KCNK12: variants seen among roughly 807,000 people sequenced by gnomAD.
The protein encoded by KCNK12 is potassium two pore domain channel subfamily K member 12.
A neutral mutation model predicts 25.3 loss-of-function variants in KCNK12; 6 were observed. The ratio of observed to expected loss-of-function variants is 0.24; its 90% confidence interval spans 0.13 to 0.47. The LOEUF (loss-of-function observed/expected upper bound fraction) is 0.47, where lower values mean the gene tolerates loss of function less well. Ranked by LOEUF, KCNK12 falls within the 20% of genes least tolerant of loss-of-function variation. KCNK12 has a pLI of 0.99. For missense variants in KCNK12, 444 were observed against 661.7 expected (o/e 0.67, Z 3.61); for synonymous variants, 331 against 311.1 (o/e 1.06, Z -0.67).
intron 1 of KCNK12, among the ~76,000 whole-genome samples, chr2:47,567,520 T>G (rs1669807853): frequency 6.6e-6 from 1 of 152,246 alleles, no homozygotes; most frequent in Non-Finnish European, 1.5e-5. Flanking sequence ...GAAATGCCAA[T>G]TATGCTACTT....
chr2:47,537,497 ATTT>A (rs1283064984), intron 1 of KCNK12, among the ~76,000 whole-genome samples: 1 of 151,762 alleles, frequency 6.6e-6, no homozygotes, highest in Non-Finnish European at 1.5e-5. Context: ...CGCCCAGCTA[ATTT>A]TTATATTTTT....
Position 47,546,802 on chromosome 2 carries a change from G to A in KCNK12, c.391+23139C>T, listed in dbSNP as rs545923153. 5.9e-5 allele frequency among the ~76,000 whole-genome samples: 9 copies of A among 152,302 alleles called. No individual in the cohort carries two copies. The East Asian group carries it at 1.5e-3, about 26-fold the overall frequency. ...CAATAACACAGGGAATGGGCAGAGGGTTTACAGTGGAAGGGCCCGAGAAGT... is the reference window on the plus strand; with the variant it reads ...CAATAACACAGGGAATGGGCAGAGGATTTACAGTGGAAGGGCCCGAGAAGT... On this transcript the variant is annotated intron_variant, in intron 1 of 1. Transcript: ENST00000327876.
chr2:47,540,229 G>C lies in KCNK12; in HGVS notation c.392-18421C>G, dbSNP rs1042583902. On this transcript the variant is annotated intron_variant, in intron 1 of 1. Transcript: ENST00000327876. This position sits in a 1 kb window ranked among gnomAD's most constrained non-coding sequence, Gnocchi z 5.4. ...CTATCTTGGAGAAGATACAAGCAAT[G>C]GTGCTGAAGTTTCACAACAGTGTCA... 1.6e-4 allele frequency among the ~76,000 whole-genome samples: 25 copies of C among 152,190 alleles called. No individual in the cohort carries two copies. Among genetic ancestry groups the C allele is most frequent in the Admixed American group, 1.2e-3 (19 of 15,270 alleles).
rs1276121340 is a variant in KCNK12 at position 47,512,492 on chromosome 2, T to C, written c.*8415A>G. 23 of 1,505,616 alleles carry C rather than the reference T, an allele frequency of 1.5e-5. No homozygotes were observed. The highest frequency in any genetic ancestry group is 1.6e-5 in the Non-Finnish European group (18 of 1,120,022). 93.3% of individuals were successfully genotyped at this position (1,505,616 alleles called of 1,614,324 possible). On this transcript the variant is annotated 3_prime_UTR_variant, in exon 2 of 2. Transcript: ENST00000327876. ...CATTTGTAATTCTACAAACATCCCT[T>C]CTGTAAACATTTCCCTCAAAATGGA... is the stretch of plus-strand genomic sequence containing the variant.
chr2:47,570,006 G>C lies in KCNK12; in HGVS notation c.326C>G (p.Ala109Gly). The change falls in exon 1 of 2, where the codon GCG (alanine) becomes GGG (glycine). Residue 109 changes from alanine to glycine, a missense_variant. This residue lies in a region of KCNK12 where 106 missense variants were observed against 142.2 expected (regional missense o/e 0.75). Transcript: ENST00000327876. Reference sequence around the variant, plus strand: ...GGGGAAGTCCCAGCGCGGGCGCAGCGCGTCGGCGCGGACGCCGGCGGCCAG... The same window carrying C: ...GGGGAAGTCCCAGCGCGGGCGCAGCCCGTCGGCGCGGACGCCGGCGGCCAG... ...AALAAGVRAD[A>G]LRPRWDFPGA... is the part of the protein sequence containing the mutation. 1 of 1,432,094 alleles carries C rather than the reference G, an allele frequency of 7.0e-7. No individual in the cohort carries two copies. The allele number at this position is 1,432,094 out of a possible 1,614,324, so 88.7% of individuals were successfully genotyped here.
At chr2:47,531,194 C>T (rs990398509) in intron 1 of KCNK12, among the ~76,000 whole-genome samples, 3 of 152,106 alleles carry the variant, frequency 2.0e-5, no homozygotes. Context: ...TGGGTGGGGC[C>T]GGGCACGGTG....
At position 47,517,340 on chromosome 2, in the gene KCNK12, C is replaced by G. The variant is rs961412294; in HGVS notation, c.*3567G>C. On this transcript the variant is annotated 3_prime_UTR_variant, in exon 2 of 2. Coordinates refer to ENST00000327876, the MANE Select transcript of KCNK12 (RefSeq NM_022055.2). The surrounding 1 kb of genome is among the most constrained non-coding windows in gnomAD (Gnocchi z 4.1). Reference sequence around the variant, plus strand: ...GAGGCCTGTCTGAAGGACGGAGGATCCTGGGTCAATTTAGCAGCTATTTTC... The same window carrying G: ...GAGGCCTGTCTGAAGGACGGAGGATGCTGGGTCAATTTAGCAGCTATTTTC... 1 of 152,144 alleles carries G rather than the reference C, an allele frequency of 6.6e-6. No individual in the cohort carries two copies. Among genetic ancestry groups the G allele is most frequent in the Non-Finnish European group, 1.5e-5 (1 of 68,032 alleles). The allele number at this position is 152,144 out of a possible 1,614,324, so 9.4% of individuals were successfully genotyped here. A position where few individuals can be genotyped will look rare whatever the true frequency, so the allele number is the denominator to read the frequency against.
rs1441458941 is a variant in KCNK12, at chr2:47,512,355, A to G, written c.*8552T>C. 6 of 1,612,450 alleles carry G rather than the reference A, an allele frequency of 3.7e-6. No homozygotes were observed. In the Admixed American group the frequency reaches 6.7e-5, roughly 18 times the overall value. On this transcript the variant is annotated 3_prime_UTR_variant, in exon 2 of 2. Transcript: ENST00000327876. Reference sequence around the variant, plus strand: ...CAGTGCCTCATTTTGCTGACATGGAAAAGGAAACTTCGTGGGGGAAAGAGA... The same window carrying G: ...CAGTGCCTCATTTTGCTGACATGGAGAAGGAAACTTCGTGGGGGAAAGAGA...
rs1047976318 is a variant in KCNK12 at position 47,560,164 on chromosome 2, G to A, written c.391+9777C>T. Reference sequence around the variant, plus strand: ...TCCTGTTTTTTTGGTTTTCTGTCCCGCCTGTCCATGCCCACTGCAGCTGTT... The same window carrying A: ...TCCTGTTTTTTTGGTTTTCTGTCCCACCTGTCCATGCCCACTGCAGCTGTT... On this transcript the variant is annotated intron_variant, in intron 1 of 1. Transcript: ENST00000327876. This position sits in a 1 kb window ranked among gnomAD's most constrained non-coding sequence, Gnocchi z 4.7. Among the ~76,000 whole-genome samples the A allele has an allele frequency of 3.3e-5, 5 of 152,098 alleles. No homozygotes were observed. The highest frequency in any genetic ancestry group is 1.2e-4 in the African/African-American group (5 of 41,432).
intron 1 of KCNK12, among the ~76,000 whole-genome samples, chr2:47,553,813 T>C (rs1669491570): frequency 6.6e-6 from 1 of 152,184 alleles, no homozygotes; most frequent in Non-Finnish European, 1.5e-5. Flanking sequence ...CTTAACTTGC[T>C]TAAGGCAGGC....
intron 1 of KCNK12, among the ~76,000 whole-genome samples, chr2:47,541,986 G>A (rs1208289617): frequency 6.6e-6 from 1 of 152,202 alleles, no homozygotes; most frequent in Non-Finnish European, 1.5e-5. Flanking sequence ...TGTAGCAGCA[G>A]CAGCAGCAGC....
rs893994671 is a variant in KCNK12, at chr2:47,551,921, C to T, written c.391+18020G>A. 2.0e-5 allele frequency among the ~76,000 whole-genome samples: 3 copies of T among 152,176 alleles called. No homozygotes were observed. Among genetic ancestry groups the T allele is most frequent in the South Asian group, 2.1e-4 (1 of 4,834 alleles). ...AGCCAGGGCCTTGTAGATACTGGCT[C>T]ATTCAATCCTGCAACCCAGAGGAGC... On this transcript the variant is annotated intron_variant, in intron 1 of 1. Coordinates refer to ENST00000327876, the MANE Select transcript of KCNK12 (RefSeq NM_022055.2). This position sits in a 1 kb window ranked among gnomAD's most constrained non-coding sequence, Gnocchi z 5.3.
chr2:47,531,650 G>T (rs980351366), intron 1 of KCNK12, among the ~76,000 whole-genome samples: 23 of 152,148 alleles, frequency 1.5e-4, no homozygotes, highest in African/African-American at 4.8e-4. Context: ...TCTGGCTGAT[G>T]GAGCAGGGGA....
At position 47,555,501 on chromosome 2, in the gene KCNK12, A is replaced by G. The variant is rs1200264155; in HGVS notation, c.391+14440T>C. 1.3e-5 allele frequency among the ~76,000 whole-genome samples: 2 copies of G among 152,168 alleles called. No individual in the cohort carries two copies. The highest frequency in any genetic ancestry group is 4.8e-5 in the African/African-American group (2 of 41,434). ...CTTATTCTCCATTAGTTTCCCTCCT[A>G]TATTTATCTTCCCATAATTTACCAC... On this transcript the variant is annotated intron_variant, in intron 1 of 1. Coordinates refer to ENST00000327876, the MANE Select transcript of KCNK12 (RefSeq NM_022055.2). This position sits in a 1 kb window ranked among gnomAD's most constrained non-coding sequence, Gnocchi z 4.5.
chr2:47,527,947 C>T (rs1364316862), intron 1 of KCNK12: 1 of 152,244 alleles, frequency 6.6e-6, no homozygotes, highest in East Asian at 1.9e-4. Context: ...GGCTGCCTTC[C>T]TAGAGGCCCC....
intron 1 of KCNK12, chr2:47,543,535 G>A (rs1669247222): frequency 6.6e-6 from 1 of 152,242 alleles, no homozygotes; most frequent in South Asian, 2.1e-4. Context: ...GCGGTTCTCT[G>A]AAGACACTGT....
rs1014093325 is a variant in KCNK12, at chr2:47,565,379, A to T, written c.391+4562T>A. The T allele has an allele frequency of 5.3e-5, 8 of 152,210 alleles. No individual in the cohort carries two copies. The highest frequency in any genetic ancestry group is 1.5e-5 in the Non-Finnish European group (1 of 68,036). The allele number at this position is 152,210 out of a possible 1,614,324, so 9.4% of individuals were successfully genotyped here. ...GAGTTTTAAAAATCCATGTTGAAAA[A>T]GAGGGAAAAAGTTAGGACTTGTTAC... On this transcript the variant is annotated intron_variant, in intron 1 of 1. Coordinates refer to ENST00000327876, the MANE Select transcript of KCNK12 (RefSeq NM_022055.2). The surrounding 1 kb of genome is among the most constrained non-coding windows in gnomAD (Gnocchi z 5.0).
chr2:47,564,640 C>T (rs4952890), intron 1 of KCNK12: 19,513 of 180,900 alleles, frequency 0.11, 1,185 homozygotes, highest in Admixed American at 0.16. Flanking sequence ...TGCAGGGGAA[C>T]GTGCAGACAT....
intron 1 of KCNK12, 71 bp from the exon 2 acceptor site, chr2:47,521,879 T>TGTGGGGGGGGGGGGGGGGG: frequency 3.1e-6 from 1 of 327,724 alleles, no homozygotes; most frequent in East Asian, 6.8e-5. Flanking sequence ...GGGTGGGGGG[T>TGTGGGGGGGGGGGGGGGGG]GTGGGGGCGG....
Sources: allele counts gnomAD v4.1 joint callset (sites outside exome capture counted in the v4.1 genomes callset), GRCh38; gene constraint gnomAD v4.1.1; regional missense constraint gnomAD v4.1.1; non-coding constraint Gnocchi (gnomAD v3.1); transcripts MANE v1.5; gene names NCBI Gene and HGNC (gene_info 2026-07-23, HGNC 2026-07-21).